CHRNA7: variants seen among roughly 807,000 people sequenced by gnomAD.
CHRNA7 encodes neuronal acetylcholine receptor subunit alpha-7.
CHRNA7 carries 17 observed loss-of-function variants against 48.0 expected under a neutral mutation model. That is an observed-to-expected ratio of 0.35 (90% CI 0.24 to 0.53). The LOEUF is 0.53. Among genes scored for constraint, CHRNA7 ranks in the 20% least tolerant of loss-of-function variants. The pLI, the probability that CHRNA7 is intolerant of heterozygous loss-of-function variation, is 0.92. For missense variants in CHRNA7, 155 were observed against 577.7 expected, an observed-to-expected ratio of 0.27 and a Z score of 7.50; for synonymous variants, 75 against 242.3, an observed-to-expected ratio of 0.31 and a Z score of 6.41.
At chr15:32,055,807 G>A (rs2049777404) in intron 2 of CHRNA7, among the ~76,000 whole-genome samples, 1 of 152,050 alleles carries the variant, frequency 6.6e-6, no homozygotes, top group Admixed American at 6.6e-5. Flanking sequence ...GTGAAACCCT[G>A]TCTCTACTAA....
rs140952587 is a variant in CHRNA7, at chr15:32,121,646, G to A, written c.350+9747G>A. ...TGGGAGGGTGTGGGCAACTGTTCAC[G>A]GCAGGGTGGCCATACGTCTTGGTCT... On this transcript the variant is annotated intron_variant, in intron 4 of 9. Coordinates refer to ENST00000306901, the MANE Select transcript of CHRNA7 (RefSeq NM_000746.6). 5.0e-3 allele frequency among the ~76,000 whole-genome samples: 764 copies of A among 152,318 alleles called. 5 individuals carry two copies. Among genetic ancestry groups the A allele is most frequent in the South Asian group, 7.9e-3 (38 of 4,824 alleles).
At chr15:32,144,079 G>C (rs2051437046) in intron 4 of CHRNA7, among the ~76,000 whole-genome samples, 1 of 152,172 alleles carries the variant, frequency 6.6e-6, no homozygotes, top group South Asian at 2.1e-4. Flanking sequence ...TCCATGTTAA[G>C]TGCTTCCTTC....
At chr15:32,087,954 T>C (rs2050324749) in intron 2 of CHRNA7, among the ~76,000 whole-genome samples, 1 of 152,248 alleles carries the variant, frequency 6.6e-6, no homozygotes, top group South Asian at 2.1e-4. Flanking sequence ...CCTAAGTATT[T>C]GTTTTGTATT....
chr15:32,091,403 G>C (rs1178365235), intron 2 of CHRNA7, among the ~76,000 whole-genome samples: 1 of 152,072 alleles, frequency 6.6e-6, no homozygotes, highest in Non-Finnish European at 1.5e-5. Context: ...CATTGCGTCT[G>C]TCTGGGTCCT....
chr15:32,106,467 A>G (rs1452190008), intron 3 of CHRNA7, among the ~76,000 whole-genome samples: 1 of 152,208 alleles, frequency 6.6e-6, no homozygotes, highest in Non-Finnish European at 1.5e-5. Context: ...TTGATCATTC[A>G]GAAACGTGAG....
intron 4 of CHRNA7, among the ~76,000 whole-genome samples, chr15:32,146,271 A>G (rs548365845): frequency 6.6e-6 from 1 of 152,248 alleles, no homozygotes; most frequent in South Asian, 2.1e-4. Context: ...GTTATTTAAA[A>G]CCCATTTGTA....
intron 4 of CHRNA7, among the ~76,000 whole-genome samples, chr15:32,138,067 A>G (rs142044277): frequency 5.3e-5 from 8 of 152,296 alleles, no homozygotes; most frequent in African/African-American, 9.6e-5. Flanking sequence ...TGAAAAAAAG[A>G]AGGAGGAATA....
At chr15:32,049,821 A>G (rs2049631704) in intron 2 of CHRNA7, among the ~76,000 whole-genome samples, 1 of 151,848 alleles carries the variant, frequency 6.6e-6, no homozygotes, top group Non-Finnish European at 1.5e-5. Flanking sequence ...TTCCTTCAGG[A>G]GCTCTTTTAG....
At chr15:32,101,585 A>G (rs2050574412) in intron 3 of CHRNA7, 2 of 487,704 alleles carry the variant, frequency 4.1e-6, no homozygotes, top group South Asian at 3.6e-5. Flanking sequence ...GGACAAGGTA[A>G]TGTGGGGACA....
intron 4 of CHRNA7, among the ~76,000 whole-genome samples, chr15:32,114,047 T>G (rs1208010987): frequency 2.0e-5 from 1 of 49,258 alleles, no homozygotes; most frequent in African/African-American, 5.8e-5. Context: ...TATATATGTA[T>G]ATATATATAT....
chr15:32,136,483 G>A (rs2051259667), intron 4 of CHRNA7, among the ~76,000 whole-genome samples: 2 of 138,108 alleles, frequency 1.4e-5, no homozygotes, highest in African/African-American at 5.7e-5. Flanking sequence ...GAGTGACAGA[G>A]CAAGACTCCA....
intron 2 of CHRNA7, among the ~76,000 whole-genome samples, chr15:32,045,790 G>A (rs1349405450): frequency 2.7e-5 from 4 of 149,546 alleles, no homozygotes; most frequent in African/African-American, 9.8e-5. Context: ...TTAGCATTAG[G>A]TATATCTCCT....
chr15:32,051,400 A>T (rs1262760572), intron 2 of CHRNA7, among the ~76,000 whole-genome samples: 2 of 152,258 alleles, frequency 1.3e-5, no homozygotes, highest in East Asian at 1.9e-4. Context: ...GTTTGATCTC[A>T]GACTGCTGTG....
chr15:32,109,623 C>T (rs540757216), intron 3 of CHRNA7, among the ~76,000 whole-genome samples: 16 of 152,154 alleles, frequency 1.1e-4, no homozygotes, highest in Non-Finnish European at 2.4e-4. Context: ...CTGGTAGAAC[C>T]CAAAGATCAG....
At chr15:32,150,226 G>C (rs1566876703) in intron 4 of CHRNA7, among the ~76,000 whole-genome samples, 1 of 151,996 alleles carries the variant, frequency 6.6e-6, no homozygotes. Flanking sequence ...AATTTTGTCA[G>C]TGTTTTGTTT....
intron 3 of CHRNA7, among the ~76,000 whole-genome samples, chr15:32,104,470 C>A (rs1244138549): frequency 6.6e-6 from 1 of 152,182 alleles, no homozygotes; most frequent in Non-Finnish European, 1.5e-5. Context: ...TATCCTGTTT[C>A]ATTTTTCTCC....
chr15:32,068,803 TATATCACA>T (rs1384069744), intron 2 of CHRNA7, among the ~76,000 whole-genome samples: 3 of 151,826 alleles, frequency 2.0e-5, no homozygotes, highest in Non-Finnish European at 4.4e-5. Flanking sequence ...TGGTCAGGAA[TATATCACA>T]ATTATAAATA....
intron 2 of CHRNA7, among the ~76,000 whole-genome samples, chr15:32,074,666 A>ATTATTATTATTTTTT (rs991862925): frequency 9.3e-5 from 10 of 107,298 alleles, no homozygotes; most frequent in African/African-American, 3.2e-4. Context: ...TATTATTATT[A>ATTATTATTATTTTTT]TTTTTGAGAC....
chr15:32,063,015 G>A lies in CHRNA7; in HGVS notation c.195+31978G>A, dbSNP rs377540816. On this transcript the variant is annotated intron_variant, in intron 2 of 9. Transcript: ENST00000306901. ...GTAGGCAATTGTAATGCAATTGTAA[G>A]TATTTGTGTATCTAAACATAGAAAA... Among the ~76,000 whole-genome samples the A allele has an allele frequency of 3.3e-5, 5 of 152,134 alleles. No individual in the cohort carries two copies. In the East Asian group the frequency reaches 5.8e-4, roughly 18 times the overall value.
Sources: allele counts gnomAD v4.1 joint callset (sites outside exome capture counted in the v4.1 genomes callset), GRCh38; gene constraint gnomAD v4.1.1; transcripts MANE v1.5; gene names NCBI Gene and HGNC (gene_info 2026-07-23, HGNC 2026-07-21).